MON2: variants seen among roughly 807,000 people sequenced by gnomAD.
MON2 encodes MON2 regulator of endosome-to-Golgi trafficking, also known as protein MON2 homolog.
In MON2, 84 loss-of-function variants were observed where a neutral mutation model predicts 208.6. That is an observed-to-expected ratio of 0.40 (90% CI 0.34 to 0.48). MON2 has a LOEUF of 0.48. Among genes scored for constraint, MON2 ranks in the 20% least tolerant of loss-of-function variants. The pLI is 0.59. For missense variants in MON2, 1,611 were observed against 2,015.4 expected (o/e 0.80, Z 3.84); for synonymous variants, 660 against 694.0 (o/e 0.95, Z 0.77).
intron 15 of MON2, 38 bp downstream of exon 15, chr12:62,537,301 A>G (rs1455734515): frequency 2.8e-6 from 4 of 1,435,228 alleles, no homozygotes; most frequent in Non-Finnish European, 3.9e-6. Context: ...TCAATTAGCT[A>G]TCAAGGAAAC....
chr12:62,575,677 A>G (rs1789979909), intron 30 of MON2, among the ~76,000 whole-genome samples: 2 of 152,250 alleles, frequency 1.3e-5, no homozygotes, highest in Non-Finnish European at 2.9e-5. Flanking sequence ...TGGCAAGGGA[A>G]TACAATAACA....
chr12:62,537,034 C>G, intron 14 of MON2, 117 bp from the exon 15 acceptor site: 1 of 548,826 alleles, frequency 1.8e-6, no homozygotes, highest in Non-Finnish European at 3.1e-6. Flanking sequence ...TTAGGTATTA[C>G]TGATATTTAA....
rs2075275860 is a variant in MON2 at position 62,588,055 on chromosome 12, T to A, written c.4908-19T>A. The A allele has an allele frequency of 6.8e-7, 1 of 1,481,012 alleles. No individual in the cohort carries two copies. The highest frequency in any genetic ancestry group is 9.4e-7 in the Non-Finnish European group (1 of 1,064,444). 91.7% of individuals were successfully genotyped at this position (1,481,012 alleles called of 1,614,324 possible). A position where few individuals can be genotyped will look rare whatever the true frequency, so the allele number is the denominator to read the frequency against. ...AACTTTAAAATCTTAATGGAAATGA[T>A]TTCCTATCTCTTTTTCAGGCAACAA... On this transcript the variant is annotated intron_variant, in intron 33 of 34. Transcript: ENST00000393630.
chr12:62,561,026 A>G lies in MON2; in HGVS notation c.3945A>G (p.Ala1315=), dbSNP rs750902721. The G allele has an allele frequency of 1.9e-6, 3 of 1,613,452 alleles. No homozygotes were observed. Among genetic ancestry groups the G allele is most frequent in the South Asian group, 2.2e-5 (2 of 91,058 alleles). ...TTTCAGTCCCAATAAGTTCAGATGC[A>G]TCCCCTTTTATTCTTCCATCTTATA... The part of the protein sequence containing the change: ...SAISVPISSD[A]SPFILPSYTE... The change falls in exon 26 of 35, where the codon GCA becomes GCG. Residue 1315 remains alanine, a synonymous_variant. Coordinates refer to ENST00000393630, the MANE Select transcript of MON2 (RefSeq NM_015026.3).
chr12:62,537,967 T>C, intron 16 of MON2, 129 bp from the exon 17 acceptor site: 1 of 781,092 alleles, frequency 1.3e-6, no homozygotes, highest in Admixed American at 2.9e-5. Context: ...GATTTTAGTT[T>C]TAGGTTTTAA....
At position 62,553,000 on chromosome 12, in the gene MON2, C is replaced by G; in HGVS notation, c.3036C>G (p.Phe1012Leu). 1 of 1,614,156 alleles carries G rather than the reference C, an allele frequency of 6.2e-7. No homozygotes were observed. Among genetic ancestry groups the G allele is most frequent in the Non-Finnish European group, 8.5e-7 (1 of 1,180,010 alleles). ...AAGGAGTTGTTTTAAATCGGCCATT[C>G]CACCCTGCACCGCCATTTGATTGCT... Reference protein sequence around the residue: ...EEKGVVLNRPFHPAPPFDCLW... With the variant: ...EEKGVVLNRPLHPAPPFDCLW... The change falls in exon 24 of 35, where the codon TTC (phenylalanine) becomes TTG (leucine). Residue 1012 changes from phenylalanine (F) to leucine (L), a missense_variant. By Grantham distance (22) the Phe-to-Leu change is conservative (BLOSUM62 0). Coordinates refer to ENST00000393630, the MANE Select transcript of MON2 (RefSeq NM_015026.3).
At chr12:62,505,963 G>C (rs2071080642) in intron 7 of MON2, among the ~76,000 whole-genome samples, 1 of 152,092 alleles carries the variant, frequency 6.6e-6, no homozygotes, top group South Asian at 2.1e-4. Context: ...GAAAATGTTT[G>C]CTTTGGCCAC....
chr12:62,590,233 G>C lies in MON2; in HGVS notation c.4990+2077G>C, dbSNP rs373330269. ...AGCCTCCCAAGTAGCTGGGACTGCAGATACGTGCCACCACACTCTGCTAAT... is the reference window on the plus strand; with the variant it reads ...AGCCTCCCAAGTAGCTGGGACTGCACATACGTGCCACCACACTCTGCTAAT... On this transcript the variant is annotated intron_variant, in intron 34 of 34. Coordinates refer to ENST00000393630, the MANE Select transcript of MON2 (RefSeq NM_015026.3). Among the ~76,000 whole-genome samples, 34 of 152,022 alleles carry C rather than the reference G, an allele frequency of 2.2e-4. No individual in the cohort carries two copies. In the East Asian group the frequency reaches 6.0e-3, roughly 27 times the overall value.
At chr12:62,515,052 T>A (rs1327053265) in intron 8 of MON2, among the ~76,000 whole-genome samples, 2 of 152,172 alleles carry the variant, frequency 1.3e-5, no homozygotes, top group Non-Finnish European at 2.9e-5. Context: ...TATAAAATGG[T>A]GCAGCCTCAA....
intron 21 of MON2, among the ~76,000 whole-genome samples, chr12:62,546,582 C>T (rs771192125): frequency 4.0e-5 from 6 of 151,708 alleles, no homozygotes; most frequent in Non-Finnish European, 7.4e-5. Flanking sequence ...GGTGAAACCC[C>T]ATCTCTACTA....
Position 62,552,872 on chromosome 12 carries a change from G to A in MON2, c.2917-9G>A, listed in dbSNP as rs1383699195. 3 of 1,602,600 alleles carry A rather than the reference G, an allele frequency of 1.9e-6. No individual in the cohort carries two copies. Among genetic ancestry groups the A allele is most frequent in the Non-Finnish European group, 1.7e-6 (2 of 1,171,326 alleles). On this transcript the variant is annotated splice_polypyrimidine_tract_variant and intron_variant, in intron 23 of 34. Transcript: ENST00000393630. ...GGATGAACTAATATTTTTCTACTTT[G>A]CTTTTTAGTGGAATATTTCAGATTA...
chr12:62,576,814 TATG>T (rs930836972), intron 30 of MON2, among the ~76,000 whole-genome samples: 17 of 151,928 alleles, frequency 1.1e-4, no homozygotes, highest in African/African-American at 3.9e-4. Context: ...TCCCTCATCA[TATG>T]ATATTTTAAA....
chr12:62,537,807 A>C (rs2073048309), intron 16 of MON2, 101 bp downstream of exon 16: 1 of 896,116 alleles, frequency 1.1e-6, no homozygotes, highest in Non-Finnish European at 1.7e-6. Flanking sequence ...CAGGCCTAAA[A>C]AATAGATAGT....
At chr12:62,479,408 A>C (rs2069267675) in intron 1 of MON2, among the ~76,000 whole-genome samples, 1 of 143,386 alleles carries the variant, frequency 7.0e-6, no homozygotes, top group Admixed American at 7.2e-5. Context: ...CTGTATTTTA[A>C]AATGTGTGTG....
intron 2 of MON2, among the ~76,000 whole-genome samples, chr12:62,487,096 G>A (rs906649717): frequency 6.6e-6 from 1 of 151,968 alleles, no homozygotes; most frequent in African/African-American, 2.4e-5. Flanking sequence ...CATGAATGCT[G>A]ACATAAGTGG....
In MON2 at chr12:62,560,830, T is replaced by C; in HGVS notation, c.3749T>C (p.Ile1250Thr). The change falls in exon 26 of 35, where the codon ATT becomes ACT. Residue 1250 changes from isoleucine (I) to threonine (T), a missense_variant. Coordinates refer to ENST00000393630, the MANE Select transcript of MON2 (RefSeq NM_015026.3). ...GCTGCGTGGAATACCTGGTATAGAATTGGATCTGAAAGTACTAAGCCTCCT... is the reference window on the plus strand; with the variant it reads ...GCTGCGTGGAATACCTGGTATAGAACTGGATCTGAAAGTACTAAGCCTCCT... ...WWAAWNTWYRIGSESTKPPIT... is the reference protein window; with the variant it reads ...WWAAWNTWYRTGSESTKPPIT... The C allele has an allele frequency of 6.2e-7, 1 of 1,614,150 alleles. No homozygotes were observed.
At chr12:62,471,699 G>A (rs1244619312) in intron 1 of MON2, among the ~76,000 whole-genome samples, 1 of 152,138 alleles carries the variant, frequency 6.6e-6, no homozygotes, top group Non-Finnish European at 1.5e-5. Context: ...AAGGAACTGT[G>A]GGAAACAACA....
intron 1 of MON2, among the ~76,000 whole-genome samples, chr12:62,473,770 C>T (rs1288397461): frequency 6.6e-6 from 1 of 151,990 alleles, no homozygotes; most frequent in African/African-American, 2.4e-5. Flanking sequence ...AGGGTTTTGC[C>T]ATGTTGCCTG....
intron 19 of MON2, among the ~76,000 whole-genome samples, chr12:62,541,704 TTGG>T (rs2073250347): frequency 6.6e-6 from 1 of 152,192 alleles, no homozygotes; most frequent in Non-Finnish European, 1.5e-5. Context: ...TTGCTGACTT[TTGG>T]TGTGCATCAG....
Sources: allele counts gnomAD v4.1 joint callset (sites outside exome capture counted in the v4.1 genomes callset), GRCh38; gene constraint gnomAD v4.1.1; transcripts MANE v1.5; gene names NCBI Gene and HGNC (gene_info 2026-07-23, HGNC 2026-07-21).